Variants in ACYP2 observed in about 807,000 individuals in gnomAD.
The protein encoded by ACYP2 is acylphosphatase-2.
A neutral mutation model predicts 11.2 loss-of-function variants in ACYP2; 12 were observed. The observed-to-expected ratio is 1.08, with a 90% CI of 0.69 to 1.74. The LOEUF is 1.74. Among genes scored for constraint, ACYP2 ranks in the 40% most tolerant of loss-of-function variants. ACYP2 has a pLI of 0.00. For missense variants in ACYP2, 134 were observed against 101.9 expected, an observed-to-expected ratio of 1.31 and a Z score of -1.35; for synonymous variants, 43 against 32.2, an observed-to-expected ratio of 1.33 and a Z score of -1.13.
chr2:54,230,820 C>A, intron 6 of ACYP2, among the ~76,000 whole-genome samples: 2 of 142,952 alleles, frequency 1.4e-5, no homozygotes, highest in African/African-American at 5.3e-5. Flanking sequence ...CAATGTATTT[C>A]TTTCTTTTCT....
intron 4 of ACYP2, among the ~76,000 whole-genome samples, chr2:54,117,343 G>A (rs1679868776): frequency 6.6e-6 from 1 of 152,066 alleles, no homozygotes; most frequent in Non-Finnish European, 1.5e-5. Flanking sequence ...CCAGACTGGA[G>A]CAAGTGCAAT....
At chr2:54,165,650 C>G (rs1387977227) in intron 6 of ACYP2, among the ~76,000 whole-genome samples, 1 of 151,758 alleles carries the variant, frequency 6.6e-6, no homozygotes, top group African/African-American at 2.4e-5. Flanking sequence ...GATGCCCCAT[C>G]CATGTTAAGA....
intron 6 of ACYP2, among the ~76,000 whole-genome samples, chr2:54,296,296 T>C (rs1689521572): frequency 6.6e-6 from 1 of 152,166 alleles, no homozygotes; most frequent in Non-Finnish European, 1.5e-5. Context: ...TCCAAAGCAA[T>C]AAATGCGTGG....
intron 6 of ACYP2, among the ~76,000 whole-genome samples, chr2:54,212,783 CA>C (rs1185847723): frequency 6.6e-6 from 1 of 151,568 alleles, no homozygotes; most frequent in African/African-American, 2.4e-5. Flanking sequence ...TTCATTTTGA[CA>C]AAAAGAGTAA....
intron 2 of ACYP2, among the ~76,000 whole-genome samples, chr2:53,985,574 C>G (rs370126417): frequency 1.5e-3 from 233 of 152,258 alleles, no homozygotes; most frequent in African/African-American, 5.4e-3. Flanking sequence ...ACAGAACTAT[C>G]CAAATACCTA....
intron 4 of ACYP2, among the ~76,000 whole-genome samples, chr2:54,131,105 T>G (rs567914554): frequency 6.6e-6 from 1 of 152,366 alleles, no homozygotes; most frequent in Admixed American, 6.5e-5. Context: ...ATCTCATTCT[T>G]TGCACTTAAA....
chr2:54,053,431 C>G (rs892904048), intron 3 of ACYP2, among the ~76,000 whole-genome samples: 3 of 152,228 alleles, frequency 2.0e-5, no homozygotes, highest in Non-Finnish European at 4.4e-5. Flanking sequence ...GCCCAACTCA[C>G]TCTGCACACC....
chr2:54,099,956 G>A (rs1481240250), intron 4 of ACYP2, among the ~76,000 whole-genome samples: 2 of 152,122 alleles, frequency 1.3e-5, no homozygotes, highest in African/African-American at 4.8e-5. Flanking sequence ...CAACACTATC[G>A]TTTATCTTTT....
At chr2:54,066,417 A>C (rs575621100) in intron 4 of ACYP2, among the ~76,000 whole-genome samples, 13 of 152,300 alleles carry the variant, frequency 8.5e-5, no homozygotes, top group Admixed American at 3.3e-4. Flanking sequence ...ACCCAGTCTT[A>C]AGTAGTTCTT....
chr2:54,304,968 C>G lies in ACYP2; in HGVS notation c.*166C>G. ...TGTCTGACACTGAAATAATTTTACT[C>G]AACTATGTTTTCAACAAGCAAAAAT... On this transcript the variant is annotated 3_prime_UTR_variant, in exon 7 of 7. Transcript: ENST00000607452. 1 of 418,720 alleles carries G rather than the reference C, an allele frequency of 2.4e-6. No individual in the cohort carries two copies. The allele number at this position is 418,720 out of a possible 1,614,324, so 25.9% of individuals were successfully genotyped here.
At chr2:53,974,583 T>C (rs1671372285) in intron 2 of ACYP2, among the ~76,000 whole-genome samples, 3 of 152,206 alleles carry the variant, frequency 2.0e-5, no homozygotes, top group Admixed American at 2.0e-4. Context: ...GGCTGGAAGC[T>C]TGAATTTACT....
intron 4 of ACYP2, chr2:54,082,565 A>G (rs771839557): frequency 4.6e-5 from 7 of 152,188 alleles, no homozygotes; most frequent in African/African-American, 7.2e-5. Flanking sequence ...TTTATAGTAC[A>G]AGTACTTCCT....
intron 4 of ACYP2, among the ~76,000 whole-genome samples, chr2:54,073,901 T>TGGA (rs375410002): frequency 1.6e-3 from 245 of 152,338 alleles, no homozygotes; most frequent in African/African-American, 5.2e-3. Flanking sequence ...GGCATGGATG[T>TGGA]GGAGACATTG....
intron 4 of ACYP2, among the ~76,000 whole-genome samples, chr2:54,109,986 G>T (rs1408089137): frequency 6.6e-6 from 1 of 152,084 alleles, no homozygotes; most frequent in Admixed American, 6.6e-5. Flanking sequence ...ATTGCATCTA[G>T]TCATCAGGTC....
At chr2:53,995,696 G>T (rs949091768) in intron 2 of ACYP2, among the ~76,000 whole-genome samples, 10 of 151,682 alleles carry the variant, frequency 6.6e-5, no homozygotes, top group Admixed American at 6.6e-4. Context: ...CAAGTGATCT[G>T]TCTGCCTCGG....
intron 6 of ACYP2, among the ~76,000 whole-genome samples, chr2:54,195,037 C>T (rs1334938185): frequency 6.6e-6 from 1 of 152,152 alleles, no homozygotes; most frequent in African/African-American, 2.4e-5. Flanking sequence ...AGAATAGAGA[C>T]CTCAAAATTC....
intron 2 of ACYP2, among the ~76,000 whole-genome samples, chr2:54,004,909 A>AC (rs1553352352): frequency 0.027 from 3,777 of 140,356 alleles, 202 homozygotes; most frequent in African/African-American, 0.09. Context: ...AAAAAAAAAA[A>AC]AAAAAACAAA....
chr2:54,100,966 A>G (rs1024765801), intron 4 of ACYP2, among the ~76,000 whole-genome samples: 5 of 152,218 alleles, frequency 3.3e-5, no homozygotes, highest in African/African-American at 1.2e-4. Context: ...TACTTGGGCT[A>G]AGCCTTCTTG....
chr2:54,001,731 G>GA (rs1388745314), intron 2 of ACYP2, among the ~76,000 whole-genome samples: 1 of 152,248 alleles, frequency 6.6e-6, no homozygotes, highest in Non-Finnish European at 1.5e-5. Flanking sequence ...CTGCAGAAAT[G>GA]ATTCAGTAGA....
Sources: allele counts gnomAD v4.1 joint callset (sites outside exome capture counted in the v4.1 genomes callset), GRCh38; gene constraint gnomAD v4.1.1; transcripts MANE v1.5; gene names NCBI Gene and HGNC (gene_info 2026-07-23, HGNC 2026-07-21).